Variants in PLOD2 observed in about 807,000 individuals in gnomAD.
PLOD2 encodes lysine hydroxylase 2.
A neutral mutation model predicts 101.0 loss-of-function variants in PLOD2; 65 were observed. The observed-to-expected ratio is 0.64, with a 90% CI of 0.53 to 0.79. The LOEUF is 0.79. Ranked by LOEUF, PLOD2 falls within the 30% of genes least tolerant of loss-of-function variation. The pLI is 0.00. For synonymous variants in PLOD2, 314 were observed against 302.9 expected (o/e 1.04, Z -0.38); for missense variants, 909 against 914.6 (o/e 0.99, Z 0.08).
At chr3:146,117,148 G>C (rs1937949606) in intron 3 of PLOD2, among the ~76,000 whole-genome samples, 1 of 152,066 alleles carries the variant, frequency 6.6e-6, no homozygotes, top group African/African-American at 2.4e-5. Flanking sequence ...TAACAAAGCT[G>C]TGTTTCTTAA....
Position 146,073,306 on chromosome 3 carries a change from G to T in PLOD2, c.1724C>A (p.Thr575Asn). 8.1e-7 allele frequency: 1 copy of T among 1,237,400 alleles called. No individual in the cohort carries two copies. Among genetic ancestry groups the T allele is most frequent in the Non-Finnish European group, 1.2e-6 (1 of 860,678 alleles). 76.7% of individuals were successfully genotyped at this position (1,237,400 alleles called of 1,614,324 possible). Residue 575 changes from threonine (T) to asparagine (N), a missense_variant, in exon 16 of 20, where the codon ACT (threonine) becomes AAT (asparagine). Coordinates refer to ENST00000282903, the MANE Select transcript of PLOD2 (RefSeq NM_182943.3). Reference protein sequence around the residue: ...YINRDYSKIFTENIVEQPCPD... With the variant: ...YINRDYSKIFNENIVEQPCPD... ...ACAAACCTGTTCAACTATATTTTCAGTGAAAATCTTTGAATAATCACGGTT... is the reference window on the plus strand; with the variant it reads ...ACAAACCTGTTCAACTATATTTTCATTGAAAATCTTTGAATAATCACGGTT...
chr3:146,111,226 ATTTTACATTT>A (rs1190723512), intron 3 of PLOD2, among the ~76,000 whole-genome samples: 6 of 152,140 alleles, frequency 3.9e-5, no homozygotes, highest in African/African-American at 7.2e-5. Context: ...ATCACAAATT[ATTTTACATTT>A]TTTTACATCA....
rs544247682 is a variant in PLOD2 at position 146,110,465 on chromosome 3, A to C, written c.339-17T>G. 1.3e-6 allele frequency: 2 copies of C among 1,579,896 alleles called. No individual in the cohort carries two copies. Among genetic ancestry groups the C allele is most frequent in the South Asian group, 2.2e-5 (2 of 89,218 alleles). The stretch of plus-strand genomic sequence containing the variant: ...ACATCAAAGCTGTTCAATGAGGAAA[A>C]AATGTGTTTTAAAATACACTTGTCA... On this transcript the variant is annotated splice_polypyrimidine_tract_variant and intron_variant, in intron 3 of 19. Coordinates refer to ENST00000282903, the MANE Select transcript of PLOD2 (RefSeq NM_182943.3).
intron 15 of PLOD2, among the ~76,000 whole-genome samples, chr3:146,074,076 T>C (rs1485072521): frequency 6.6e-6 from 1 of 151,518 alleles, no homozygotes; most frequent in Non-Finnish European, 1.5e-5. Flanking sequence ...TTCTAATCCA[T>C]GAATTTGATT....
chr3:146,148,338 G>GCACACACA (rs71158220), intron 1 of PLOD2, among the ~76,000 whole-genome samples: 47,263 of 146,180 alleles, frequency 0.32, 7,835 homozygotes, highest in East Asian at 0.44. Context: ...AGGCAGGCAC[G>GCACACACA]CACACACACA....
At chr3:146,086,645 A>T in intron 10 of PLOD2, 142 bp downstream of exon 10, 4 of 518,770 alleles carry the variant, frequency 7.7e-6, no homozygotes, top group Non-Finnish European at 1.4e-5. Flanking sequence ...ACATAGACAC[A>T]GTCTAAGTTG....
chr3:146,108,345 T>A (rs1300792708), intron 4 of PLOD2, among the ~76,000 whole-genome samples: 2 of 151,942 alleles, frequency 1.3e-5, no homozygotes, highest in Non-Finnish European at 2.9e-5. Context: ...CATGCCCAGA[T>A]AATTTAAAAA....
chr3:146,143,241 T>C (rs1326798773), intron 1 of PLOD2, among the ~76,000 whole-genome samples: 1 of 151,628 alleles, frequency 6.6e-6, no homozygotes, highest in Non-Finnish European at 1.5e-5. Context: ...AGTATTAAAA[T>C]AAGAGTAAAG....
At chr3:146,121,524 T>C (rs553715430) in intron 2 of PLOD2, among the ~76,000 whole-genome samples, 32 of 152,250 alleles carry the variant, frequency 2.1e-4, no homozygotes, top group African/African-American at 7.2e-4. Flanking sequence ...TTTCTCACAT[T>C]ACATCATTTT....
At chr3:146,124,436 T>C (rs1417203382) in intron 1 of PLOD2, among the ~76,000 whole-genome samples, 1 of 152,076 alleles carries the variant, frequency 6.6e-6, no homozygotes, top group East Asian at 1.9e-4. Flanking sequence ...CAAATGACAA[T>C]TATTTCAACG....
intron 3 of PLOD2, among the ~76,000 whole-genome samples, chr3:146,120,882 C>G (rs997582395): frequency 6.6e-6 from 1 of 151,964 alleles, no homozygotes; most frequent in African/African-American, 2.4e-5. Context: ...CCACCACGCC[C>G]GGCTAATTTT....
intron 11 of PLOD2, among the ~76,000 whole-genome samples, chr3:146,084,392 T>C (rs1019403587): frequency 1.3e-5 from 2 of 152,022 alleles, no homozygotes; most frequent in African/African-American, 4.8e-5. Flanking sequence ...ATAGATATTA[T>C]ATATAGGGTG....
intron 3 of PLOD2, among the ~76,000 whole-genome samples, chr3:146,113,732 C>T (rs1226655507): frequency 1.3e-5 from 2 of 152,034 alleles, no homozygotes; most frequent in African/African-American, 4.8e-5. Context: ...ATTAACTGTG[C>T]AAATCGTTAG....
At chr3:146,087,299 A>G (rs1283248160) in intron 9 of PLOD2, among the ~76,000 whole-genome samples, 2 of 151,988 alleles carry the variant, frequency 1.3e-5, no homozygotes, top group Non-Finnish European at 2.9e-5. Context: ...ATGTTGTGAA[A>G]TATCTAGAAA....
intron 1 of PLOD2, among the ~76,000 whole-genome samples, chr3:146,124,615 A>T (rs1032679686): frequency 2.6e-5 from 4 of 152,144 alleles, no homozygotes; most frequent in Admixed American, 2.6e-4. Flanking sequence ...TTATGACATC[A>T]CCAGTGAGGA....
intron 11 of PLOD2, among the ~76,000 whole-genome samples, chr3:146,083,565 G>T (rs576213237): frequency 7.6e-6 from 1 of 130,816 alleles, no homozygotes; most frequent in Non-Finnish European, 1.6e-5. Context: ...CAGATGGCAG[G>T]TAAGTCTTTT....
intron 12 of PLOD2, among the ~76,000 whole-genome samples, chr3:146,080,772 C>T (rs1196904798): frequency 6.6e-6 from 1 of 152,150 alleles, no homozygotes; most frequent in African/African-American, 2.4e-5. Flanking sequence ...GTCAATACAA[C>T]TGCACAGAAA....
chr3:146,125,756 T>C (rs1708501307), intron 1 of PLOD2, among the ~76,000 whole-genome samples: 1 of 152,188 alleles, frequency 6.6e-6, no homozygotes, highest in African/African-American at 2.4e-5. Flanking sequence ...ATTTTAAGAA[T>C]ACTTTTTAAA....
chr3:146,131,182 G>A (rs1355775331), intron 1 of PLOD2, among the ~76,000 whole-genome samples: 2 of 152,192 alleles, frequency 1.3e-5, no homozygotes, highest in Non-Finnish European at 2.9e-5. Flanking sequence ...CAGATCTTGT[G>A]TGACTTCACT....
Sources: gnomAD v4.1 joint callset for allele counts (sites outside exome capture counted in the v4.1 genomes callset) on GRCh38, gnomAD v4.1.1 for gene constraint, MANE v1.5 for transcripts, NCBI Gene and HGNC (gene_info 2026-07-23, HGNC 2026-07-21) for gene names.